Variants in HDAC9 observed in about 807,000 individuals in gnomAD.
The protein encoded by HDAC9 is histone deacetylase 9, also known as MEF-2 interacting transcription repressor (MITR) protein.
In HDAC9, 41 loss-of-function variants were observed where a neutral mutation model predicts 139.4. The ratio of observed to expected loss-of-function variants is 0.29; its 90% confidence interval spans 0.23 to 0.38. The LOEUF (loss-of-function observed/expected upper bound fraction) is 0.38. Among genes scored for constraint, HDAC9 ranks in the 10% least tolerant of loss-of-function variants. The pLI is 1.00. For missense variants in HDAC9, 1,147 were observed against 1,297.0 expected (o/e 0.88, Z 1.78); for synonymous variants, 517 against 476.2 (o/e 1.09, Z -1.12).
At chr7:18,716,530 A>G (rs1297496132) in intron 12 of HDAC9, among the ~76,000 whole-genome samples, 1 of 139,298 alleles carries the variant, frequency 7.2e-6, no homozygotes, top group Non-Finnish European at 1.5e-5. Flanking sequence ...AAACATTTCT[A>G]AAGCAACTAG....
Position 18,727,746 on chromosome 7 carries a change from G to T in HDAC9, c.1898G>T (p.Gly633Val), listed in dbSNP as rs781107777. ...HPAMDRPLQP[G>V]SATGIAYDPL... Reference sequence around the variant, plus strand: ...GCAATGGACCGCCCCCTCCAGCCTGGCTCTGCAACTGGTAGGAATCCCTAA... The same window carrying T: ...GCAATGGACCGCCCCCTCCAGCCTGTCTCTGCAACTGGTAGGAATCCCTAA... Residue 633 changes from glycine to valine, a missense_variant, in exon 13 of 26, where the codon GGC (glycine) becomes GTC (valine). Gly to Val is a moderately radical substitution (Grantham distance 109). This residue lies in a region of HDAC9 where 256 missense variants were observed against 219.2 expected (regional missense o/e 1.17). Coordinates refer to ENST00000686413, the MANE Select transcript of HDAC9 (RefSeq NM_178425.4). 4 of 1,526,730 alleles carry T rather than the reference G, an allele frequency of 2.6e-6. No homozygotes were observed. Among genetic ancestry groups the T allele is most frequent in the Non-Finnish European group, 3.5e-6 (4 of 1,145,666 alleles). 94.6% of individuals were successfully genotyped at this position (1,526,730 alleles called of 1,614,324 possible).
intron 1 of HDAC9, among the ~76,000 whole-genome samples, chr7:18,307,541 G>A (rs536101861): frequency 1.3e-5 from 2 of 152,222 alleles, no homozygotes; most frequent in Admixed American, 6.5e-5. Flanking sequence ...CATGGCTCAC[G>A]CTTGCATTCC....
intron 25 of HDAC9, among the ~76,000 whole-genome samples, chr7:18,990,308 T>C (rs1394867787): frequency 6.6e-6 from 1 of 152,094 alleles, no homozygotes; most frequent in African/African-American, 2.4e-5. Context: ...TACCTGGCCA[T>C]GTGAGGTGTC....
intron 1 of HDAC9, among the ~76,000 whole-genome samples, chr7:18,455,738 T>A (rs904194816): frequency 7.9e-5 from 12 of 152,240 alleles, no homozygotes; most frequent in African/African-American, 2.9e-4. Flanking sequence ...GTTTCTAAAT[T>A]TAGAAGGTGA....
intron 21 of HDAC9, among the ~76,000 whole-genome samples, chr7:18,853,099 G>A (rs2129225491): frequency 6.6e-6 from 1 of 152,214 alleles, no homozygotes; most frequent in African/African-American, 2.4e-5. Flanking sequence ...GAGTCGGCCT[G>A]GCTCCGACTT....
chr7:18,738,664 C>G (rs1403038381), intron 13 of HDAC9, among the ~76,000 whole-genome samples: 1 of 152,140 alleles, frequency 6.6e-6, no homozygotes, highest in African/African-American at 2.4e-5. Context: ...TGTGGGTAAC[C>G]CGACCTTTGT....
chr7:18,586,618 T>C (rs1241799609), intron 3 of HDAC9, among the ~76,000 whole-genome samples: 1 of 152,116 alleles, frequency 6.6e-6, no homozygotes, highest in Non-Finnish European at 1.5e-5. Context: ...TGCTATCTTC[T>C]TCTCTATATT....
At chr7:18,362,827 A>T (rs1430109314) in intron 1 of HDAC9, among the ~76,000 whole-genome samples, 1 of 152,170 alleles carries the variant, frequency 6.6e-6, no homozygotes, top group African/African-American at 2.4e-5. Flanking sequence ...TTGAATAGTA[A>T]AGAGTTCTGG....
intron 2 of HDAC9, among the ~76,000 whole-genome samples, chr7:18,516,636 G>T (rs1803288031): frequency 1.3e-5 from 2 of 152,166 alleles, no homozygotes; most frequent in South Asian, 4.1e-4. Context: ...GAGGTGGGTG[G>T]ATCACCTGAG....
At chr7:18,544,964 C>A (rs1185511968) in intron 2 of HDAC9, among the ~76,000 whole-genome samples, 1 of 152,174 alleles carries the variant, frequency 6.6e-6, no homozygotes, top group Non-Finnish European at 1.5e-5. Flanking sequence ...GTTGTCAAAA[C>A]TGAGCGGTGG....
chr7:18,814,532 T>C (rs1002256587), intron 17 of HDAC9, among the ~76,000 whole-genome samples: 1 of 152,156 alleles, frequency 6.6e-6, no homozygotes, highest in Admixed American at 6.6e-5. Flanking sequence ...AGAACATTAG[T>C]ATTTTTCACC....
intron 8 of HDAC9, among the ~76,000 whole-genome samples, chr7:18,644,251 C>T (rs1451251058): frequency 1.3e-5 from 2 of 151,962 alleles, no homozygotes; most frequent in Admixed American, 6.6e-5. Context: ...GTTTTCCCAT[C>T]AATAAAATGA....
chr7:18,815,668 C>T (rs972434277), intron 17 of HDAC9, among the ~76,000 whole-genome samples: 6 of 152,194 alleles, frequency 3.9e-5, no homozygotes, highest in African/African-American at 1.4e-4. Context: ...CCAGTGCTGT[C>T]AACAAACTCC....
chr7:18,407,872 G>A (rs1483989566), intron 1 of HDAC9, among the ~76,000 whole-genome samples: 1 of 152,112 alleles, frequency 6.6e-6, no homozygotes, highest in Non-Finnish European at 1.5e-5. Flanking sequence ...CAGTAGGTTA[G>A]GATCTGCTAA....
Position 18,875,896 on chromosome 7 carries a change from A to C in HDAC9, c.2803+1300A>C, listed in dbSNP as rs528234801. Among the ~76,000 whole-genome samples the C allele has an allele frequency of 3.1e-4, 47 of 152,238 alleles. No homozygotes were observed. In the South Asian group the frequency reaches 7.9e-3, roughly 25 times the overall value. On this transcript the variant is annotated intron_variant, in intron 22 of 25. Coordinates refer to ENST00000686413, the MANE Select transcript of HDAC9 (RefSeq NM_178425.4). The stretch of plus-strand genomic sequence containing the variant: ...TTGTACATCAAGTTGAGATAAACCC[A>C]AAAAAATACAAAATACCTAGCGAAG...
chr7:18,849,631 T>C (rs963467160), intron 21 of HDAC9, among the ~76,000 whole-genome samples: 2 of 152,172 alleles, frequency 1.3e-5, no homozygotes, highest in African/African-American at 4.8e-5. Flanking sequence ...ATTGGTTTTA[T>C]AGGTAAATCA....
At chr7:18,651,673 T>G (rs1022593440) in intron 11 of HDAC9, among the ~76,000 whole-genome samples, 18 of 151,652 alleles carry the variant, frequency 1.2e-4, no homozygotes, top group Admixed American at 1.1e-3. Context: ...TATAAAATAT[T>G]CATGTTCAGT....
chr7:18,784,964 TG>T (rs1485700389), intron 16 of HDAC9, among the ~76,000 whole-genome samples: 153 of 151,694 alleles, frequency 1.0e-3, no homozygotes, highest in African/African-American at 1.9e-3. Context: ...TGTGTGTGTG[TG>T]TGTGTGTGTC....
At chr7:18,954,009 T>C in intron 23 of HDAC9, 137 bp from the exon 24 acceptor site, 1 of 648,384 alleles carries the variant, frequency 1.5e-6, no homozygotes, top group Non-Finnish European at 2.7e-6. Flanking sequence ...CTTCTAGAAC[T>C]AATATCAGCA....
Sources: allele counts gnomAD v4.1 joint callset (sites outside exome capture counted in the v4.1 genomes callset), GRCh38; gene constraint gnomAD v4.1.1; regional missense constraint gnomAD v4.1.1; transcripts MANE v1.5; gene names NCBI Gene and HGNC (gene_info 2026-07-23, HGNC 2026-07-21).